The following PTPRM variants were observed in gnomAD, a reference collection of about 807,000 sequenced individuals.
PTPRM encodes the protein receptor-type tyrosine-protein phosphatase mu.
In PTPRM, 47 loss-of-function variants were observed where a neutral mutation model predicts 186.7. That is an observed-to-expected ratio of 0.25 (90% confidence interval 0.20 to 0.32). The LOEUF is 0.32. Ranked by LOEUF, PTPRM falls within the 10% of genes least tolerant of loss-of-function variation. PTPRM has a pLI of 1.00. For missense variants in PTPRM, 1,494 were observed against 1,865.0 expected (o/e 0.80, Z 3.66); for synonymous variants, 668 against 674.9 (o/e 0.99, Z 0.16).
intron 1 of PTPRM, among the ~76,000 whole-genome samples, chr18:7,766,245 T>C (rs982527776): frequency 5.9e-5 from 9 of 151,278 alleles, no homozygotes; most frequent in Non-Finnish European, 1.3e-4. Flanking sequence ...AAAATAAGAA[T>C]GTACCGATCA....
intron 2 of PTPRM, among the ~76,000 whole-genome samples, chr18:7,884,924 CA>C (rs56724615): frequency 6.5e-3 from 246 of 37,812 alleles, no homozygotes; most frequent in African/African-American, 0.016. Flanking sequence ...AGCTCCATCT[CA>C]AAAAAAAAAA....
chr18:7,972,479 T>TTA (rs373072972), intron 7 of PTPRM, among the ~76,000 whole-genome samples: 3 of 44,368 alleles, frequency 6.8e-5, no homozygotes, highest in Admixed American at 3.7e-4. Flanking sequence ...AAAAAAACAT[T>TTA]AAAAAAAAAA....
chr18:7,906,710 A>G, intron 4 of PTPRM, 127 bp downstream of exon 4: 1 of 736,840 alleles, frequency 1.4e-6, no homozygotes, highest in Middle Eastern at 2.4e-4. Flanking sequence ...ACAGGCCTGT[A>G]TTGTTGGTTT....
At chr18:8,271,922 C>G (rs1363875789) in intron 19 of PTPRM, among the ~76,000 whole-genome samples, 1 of 152,074 alleles carries the variant, frequency 6.6e-6, no homozygotes, top group Non-Finnish European at 1.5e-5. Context: ...AAAGAAATAA[C>G]TTTTGTTGGC....
intron 2 of PTPRM, among the ~76,000 whole-genome samples, chr18:7,817,049 A>C (rs2044870819): frequency 6.8e-6 from 1 of 146,504 alleles, no homozygotes; most frequent in South Asian, 2.1e-4. Flanking sequence ...ATCTCGGCTC[A>C]CTGCAACCTC....
chr18:7,921,934 G>A (rs1455762724), intron 4 of PTPRM, among the ~76,000 whole-genome samples: 3 of 152,122 alleles, frequency 2.0e-5, no homozygotes, highest in Admixed American at 2.0e-4. Flanking sequence ...TTTGTTTCTT[G>A]TGGATGTATG....
At chr18:7,754,388 A>G (rs2041367285) in intron 1 of PTPRM, among the ~76,000 whole-genome samples, 1 of 152,202 alleles carries the variant, frequency 6.6e-6, no homozygotes, top group Non-Finnish European at 1.5e-5. Context: ...TGAATCTAAA[A>G]CAAATATGGA....
intron 3 of PTPRM, among the ~76,000 whole-genome samples, chr18:7,889,077 A>G (rs930808630): frequency 6.6e-6 from 1 of 152,166 alleles, no homozygotes; most frequent in Non-Finnish European, 1.5e-5. Flanking sequence ...TTACCCAGGT[A>G]ACAAACCTGC....
intron 2 of PTPRM, among the ~76,000 whole-genome samples, chr18:7,811,326 C>T (rs2044501652): frequency 6.6e-6 from 1 of 152,120 alleles, no homozygotes; most frequent in African/African-American, 2.4e-5. Flanking sequence ...AGGGGCTTTG[C>T]ATAGGCTTTG....
chr18:7,714,259 G>A (rs1284037407), intron 1 of PTPRM, among the ~76,000 whole-genome samples: 1 of 152,160 alleles, frequency 6.6e-6, no homozygotes, highest in East Asian at 1.9e-4. Context: ...ATCTCCTCCT[G>A]AGTGACTACT....
chr18:8,281,468 G>A (rs2094903322), intron 19 of PTPRM, among the ~76,000 whole-genome samples: 1 of 152,192 alleles, frequency 6.6e-6, no homozygotes, highest in Admixed American at 6.5e-5. Flanking sequence ...GTGCCGTGCA[G>A]TAGGATGGCC....
intron 2 of PTPRM, among the ~76,000 whole-genome samples, chr18:7,860,908 T>C (rs2047348623): frequency 6.6e-6 from 1 of 152,224 alleles, no homozygotes; most frequent in South Asian, 2.1e-4. Context: ...TGAATTATGC[T>C]GACTAGTGCT....
chr18:7,892,623 C>A (rs529069034), intron 3 of PTPRM, among the ~76,000 whole-genome samples: 82 of 152,262 alleles, frequency 5.4e-4, no homozygotes, highest in African/African-American at 1.9e-3. Flanking sequence ...CTTTTTGGTT[C>A]ATTTTTGAAT....
chr18:8,056,438 T>G (rs558151031), intron 7 of PTPRM, among the ~76,000 whole-genome samples: 30 of 152,088 alleles, frequency 2.0e-4, no homozygotes, highest in South Asian at 1.2e-3. Flanking sequence ...ACCAGCCTAG[T>G]CAACATGGTG....
At chr18:7,737,440 C>G (rs915058177) in intron 1 of PTPRM, among the ~76,000 whole-genome samples, 8 of 152,184 alleles carry the variant, frequency 5.3e-5, no homozygotes, top group Non-Finnish European at 1.0e-4. Context: ...TTAAATGTTG[C>G]CAGTGAATTT....
intron 1 of PTPRM, among the ~76,000 whole-genome samples, chr18:7,674,494 G>A (rs1192625940): frequency 6.6e-6 from 1 of 152,146 alleles, no homozygotes; most frequent in Admixed American, 6.5e-5. Flanking sequence ...GGCAGGCACT[G>A]AGAGGAGAGG....
chr18:7,972,668 T>C (rs1268251955), intron 7 of PTPRM, among the ~76,000 whole-genome samples: 1 of 152,072 alleles, frequency 6.6e-6, no homozygotes, highest in Non-Finnish European at 1.5e-5. Flanking sequence ...GAGTAATGAA[T>C]TCATGATAAA....
At chr18:8,204,454 G>A (rs551200881) in intron 14 of PTPRM, among the ~76,000 whole-genome samples, 14 of 151,950 alleles carry the variant, frequency 9.2e-5, no homozygotes, top group South Asian at 2.1e-4. Flanking sequence ...AGGAAGATTC[G>A]TTTTGAAAGC....
At chr18:7,773,856 A>G (rs1330293670) in intron 1 of PTPRM, among the ~76,000 whole-genome samples, 1 of 152,178 alleles carries the variant, frequency 6.6e-6, no homozygotes, top group Non-Finnish European at 1.5e-5. Flanking sequence ...CTGGTATTAC[A>G]GGCATGAGCC....
Sources: gnomAD v4.1 joint callset for allele counts (sites outside exome capture counted in the v4.1 genomes callset) on GRCh38, gnomAD v4.1.1 for gene constraint, MANE v1.5 for transcripts, NCBI Gene and HGNC (gene_info 2026-07-23, HGNC 2026-07-21) for gene names.